Variants in FIRRM observed in about 807,000 individuals in gnomAD.
The protein encoded by FIRRM is FIGNL1-interacting regulator of recombination and mitosis.
the FIRRM span, chr1:169,794,841 C>G: frequency 1.7e-5 from 8 of 474,720 alleles, no homozygotes; most frequent in Non-Finnish European, 2.3e-5. Context: ...CCCGACGTGT[C>G]CTGGGATCGC....
At chr1:169,822,969 G>A in the FIRRM span, among the ~76,000 whole-genome samples, 1 of 151,394 alleles carries the variant, frequency 6.6e-6, no homozygotes, top group Admixed American at 6.6e-5. Flanking sequence ...TTTTTTTTTA[G>A]TGCTGGGTGT....
the FIRRM span, chr1:169,830,782 T>G: frequency 6.4e-7 from 1 of 1,550,474 alleles, no homozygotes; most frequent in Non-Finnish European, 8.9e-7. Flanking sequence ...ACACCCACTT[T>G]CTATGCACTT....
the FIRRM span, among the ~76,000 whole-genome samples, chr1:169,791,840 T>A: frequency 1.3e-5 from 2 of 152,224 alleles, no homozygotes. Context: ...CAATTCCCAA[T>A]GTGGTAACGT....
the FIRRM span, among the ~76,000 whole-genome samples, chr1:169,839,791 T>A: frequency 2.0e-5 from 3 of 152,204 alleles, no homozygotes; most frequent in Admixed American, 6.5e-5. Context: ...GCTATTGGTG[T>A]CTTTCTCAAG....
the FIRRM span, chr1:169,795,091 T>C: frequency 2.6e-6 from 4 of 1,533,846 alleles, no homozygotes; most frequent in African/African-American, 4.1e-5. Flanking sequence ...AGCTCTCCTG[T>C]TTGACGAAAG....
the FIRRM span, chr1:169,803,137 A>G: frequency 6.2e-7 from 1 of 1,607,174 alleles, no homozygotes; most frequent in African/African-American, 1.3e-5. Flanking sequence ...CAAAAAATAT[A>G]TTCTAAGTGA....
At chr1:169,827,765 A>G in the FIRRM span, 7 of 1,614,050 alleles carry the variant, frequency 4.3e-6, no homozygotes, top group African/African-American at 1.3e-5. Context: ...GTTGTCATGG[A>G]TAAGCTGCCA....
chr1:169,826,340 G>A, the FIRRM span, among the ~76,000 whole-genome samples: 1 of 150,768 alleles, frequency 6.6e-6, no homozygotes, highest in Non-Finnish European at 1.5e-5. Context: ...TGGGATTACA[G>A]GCGTGAGCCA....
the FIRRM span, chr1:169,793,236 G>A: frequency 6.2e-7 from 1 of 1,614,186 alleles, no homozygotes; most frequent in Non-Finnish European, 8.5e-7. Context: ...AGATCAGAGT[G>A]AGAAGAAAAG....
At chr1:169,830,056 C>T in the FIRRM span, among the ~76,000 whole-genome samples, 7 of 152,092 alleles carry the variant, frequency 4.6e-5, no homozygotes, top group African/African-American at 1.4e-4. Flanking sequence ...TAGCACAGCA[C>T]AGTACTTAAT....
At chr1:169,836,857 C>A in the FIRRM span, 1 of 1,135,748 alleles carries the variant, frequency 8.8e-7, no homozygotes. Flanking sequence ...GAAACTAATA[C>A]TTAGCTTTTG....
At chr1:169,795,097 G>C in the FIRRM span, 46 of 1,534,964 alleles carry the variant, frequency 3.0e-5, no homozygotes, top group Non-Finnish European at 3.8e-5. Flanking sequence ...CCTGTTTGAC[G>C]AAAGTATGTC....
chr1:169,819,975 G>C, the FIRRM span, among the ~76,000 whole-genome samples: 2 of 152,200 alleles, frequency 1.3e-5, no homozygotes, highest in African/African-American at 4.8e-5. Context: ...AAGGAGCCCA[G>C]AGCAGCCAAT....
the FIRRM span, chr1:169,842,394 C>T: frequency 1.7e-5 from 28 of 1,605,830 alleles, no homozygotes; most frequent in Non-Finnish European, 2.4e-5. Context: ...AAACTCAAGT[C>T]CTTTCCTGTT....
the FIRRM span, among the ~76,000 whole-genome samples, chr1:169,786,059 A>G: frequency 1.3e-5 from 2 of 152,206 alleles, no homozygotes; most frequent in East Asian, 3.8e-4. Context: ...TATGTTGAAC[A>G]ATGTTGGGAG....
chr1:169,799,877 C>G, the FIRRM span, among the ~76,000 whole-genome samples: 2 of 151,658 alleles, frequency 1.3e-5, no homozygotes, highest in South Asian at 4.2e-4. Flanking sequence ...GTTTTGTTTT[C>G]AAGACAAGAT....
chr1:169,841,294 A>G, the FIRRM span, among the ~76,000 whole-genome samples: 1 of 152,218 alleles, frequency 6.6e-6, no homozygotes, highest in African/African-American at 2.4e-5. Flanking sequence ...CATCCCAGGA[A>G]TGGAGTATAC....
At chr1:169,841,073 G>A in the FIRRM span, among the ~76,000 whole-genome samples, 6 of 152,112 alleles carry the variant, frequency 3.9e-5, no homozygotes, top group Admixed American at 2.0e-4. Context: ...TCAGTACGAC[G>A]TTGGCTGTGA....
chr1:169,853,552 G>A, the FIRRM span: 3 of 710,686 alleles, frequency 4.2e-6, no homozygotes, highest in South Asian at 1.9e-5. Flanking sequence ...AGCACTCACA[G>A]TCAGTCTCCT....
Sources: allele counts gnomAD v4.1 joint callset (sites outside exome capture counted in the v4.1 genomes callset), GRCh38; gene constraint gnomAD v4.1.1; transcripts MANE v1.5; gene names NCBI Gene and HGNC (gene_info 2026-07-23, HGNC 2026-07-21).